NPAS3: variants seen among roughly 807,000 people sequenced by gnomAD.
NPAS3 encodes neuronal PAS domain protein 3, also known as neuronal PAS domain-containing protein 3.
In NPAS3, 14 loss-of-function variants were observed where a neutral mutation model predicts 73.1. That is an observed-to-expected ratio of 0.19 (90% confidence interval 0.13 to 0.30). The LOEUF is 0.30. NPAS3 is among the 10% of genes least tolerant of loss of function. The pLI, the probability that NPAS3 is intolerant of heterozygous loss-of-function variation, is 1.00. For synonymous variants in NPAS3, 620 were observed against 541.5 expected (o/e 1.14, Z -2.01); for missense variants, 1,096 against 1,250.0 (o/e 0.88, Z 1.86).
chr14:33,684,938 C>T (rs948632006), intron 6 of NPAS3, among the ~76,000 whole-genome samples: 1 of 152,210 alleles, frequency 6.6e-6, no homozygotes, highest in African/African-American at 2.4e-5. Flanking sequence ...GAAACACAAT[C>T]ATGGTTTCTT....
At chr14:33,248,465 C>A (rs1198343850) in intron 3 of NPAS3, among the ~76,000 whole-genome samples, 1 of 152,034 alleles carries the variant, frequency 6.6e-6, no homozygotes, top group Non-Finnish European at 1.5e-5. Context: ...CTTCTAATTC[C>A]CCATTCAGTA....
intron 4 of NPAS3, among the ~76,000 whole-genome samples, chr14:33,452,433 T>C (rs1051900265): frequency 1.3e-5 from 2 of 152,102 alleles, no homozygotes; most frequent in African/African-American, 2.4e-5. Context: ...AGTAGACAAA[T>C]GCTTTCCTGC....
chr14:33,147,725 T>C (rs1341719371), intron 2 of NPAS3, among the ~76,000 whole-genome samples: 1 of 91,638 alleles, frequency 1.1e-5, no homozygotes, highest in Non-Finnish European at 2.2e-5. Flanking sequence ...TAAAGTAGAA[T>C]AAAAAATATA....
chr14:33,380,339 A>T (rs1414826540), intron 4 of NPAS3, among the ~76,000 whole-genome samples: 1 of 151,982 alleles, frequency 6.6e-6, no homozygotes, highest in East Asian at 1.9e-4. Context: ...CACTGTAGGG[A>T]TCCTGCTTGG....
At chr14:33,258,305 G>A (rs2048850271) in intron 3 of NPAS3, among the ~76,000 whole-genome samples, 1 of 152,168 alleles carries the variant, frequency 6.6e-6, no homozygotes, top group African/African-American at 2.4e-5. Context: ...GCTGAGATGG[G>A]AGAATCAGAT....
At chr14:33,802,975 C>A (rs2063751779), downstream of NPAS3, 1 of 152,108 alleles carries the variant, frequency 6.6e-6, no homozygotes, top group East Asian at 1.9e-4. Flanking sequence ...TCTTAACTAG[C>A]TCAAGGTTAA....
At chr14:33,476,470 A>G (rs1402527888) in intron 4 of NPAS3, among the ~76,000 whole-genome samples, 1 of 152,218 alleles carries the variant, frequency 6.6e-6, no homozygotes, top group East Asian at 1.9e-4. Flanking sequence ...AAGCAAATAA[A>G]TATTAATCTT....
chr14:33,769,761 T>C (rs2383525), intron 7 of NPAS3, among the ~76,000 whole-genome samples: 1,572 of 102,558 alleles, frequency 0.015, 40 homozygotes, highest in African/African-American at 0.041. Context: ...TTTTTCTTTT[T>C]TTTTTTTTTT....
At chr14:33,786,229 T>C (rs887244717) in intron 9 of NPAS3, among the ~76,000 whole-genome samples, 8 of 152,222 alleles carry the variant, frequency 5.3e-5, no homozygotes, top group Admixed American at 2.6e-4. Flanking sequence ...CAATGACTGC[T>C]ACATGGAAGA....
At chr14:33,028,236 CAT>C (rs1233747171) in intron 1 of NPAS3, among the ~76,000 whole-genome samples, 4 of 152,150 alleles carry the variant, frequency 2.6e-5, no homozygotes, top group African/African-American at 4.8e-5. Flanking sequence ...TTAAAAATAA[CAT>C]GTGGATTTGA....
intron 1 of NPAS3, among the ~76,000 whole-genome samples, chr14:32,954,274 A>G (rs1347631325): frequency 1.7e-4 from 26 of 152,206 alleles, no homozygotes; most frequent in Admixed American, 1.4e-3. Flanking sequence ...CATGTCTTCT[A>G]TTTATCACTG....
At chr14:33,075,354 G>A (rs1194055476) in intron 2 of NPAS3, among the ~76,000 whole-genome samples, 1 of 152,100 alleles carries the variant, frequency 6.6e-6, no homozygotes, top group Non-Finnish European at 1.5e-5. Flanking sequence ...ATCTTAGCTT[G>A]CATCATTTAA....
chr14:33,706,015 C>T (rs1350084632), intron 6 of NPAS3, among the ~76,000 whole-genome samples: 1 of 152,204 alleles, frequency 6.6e-6, no homozygotes, highest in African/African-American at 2.4e-5. Flanking sequence ...ATCCTCCACC[C>T]CTGTACACAT....
Position 33,736,477 on chromosome 14 carries a change from T to G in NPAS3, c.852+1145T>G, listed in dbSNP as rs903913361. On this transcript the variant is annotated intron_variant, in intron 7 of 11. Coordinates refer to ENST00000356141, the Ensembl canonical transcript of NPAS3. ...GAGGCAAGTGGGCAGCTCCACCTGCTCTAGCTCTACCCGATAGAGGCTTCT... is the reference window on the plus strand; with the variant it reads ...GAGGCAAGTGGGCAGCTCCACCTGCGCTAGCTCTACCCGATAGAGGCTTCT... Among the ~76,000 whole-genome samples, 4 of 152,172 alleles carry G rather than the reference T, an allele frequency of 2.6e-5. No individual in the cohort carries two copies. The East Asian group carries it at 7.7e-4, about 29-fold the overall frequency.
chr14:33,272,293 G>A (rs531219008), intron 3 of NPAS3, among the ~76,000 whole-genome samples: 1 of 152,312 alleles, frequency 6.6e-6, no homozygotes, highest in South Asian at 2.1e-4. Flanking sequence ...CATAATTATA[G>A]CAGTGGGATA....
intron 4 of NPAS3, among the ~76,000 whole-genome samples, chr14:33,472,207 G>A (rs2050816475): frequency 6.6e-6 from 1 of 152,214 alleles, no homozygotes. Context: ...GAGGAAGGGA[G>A]GGGGCTGAGG....
intron 3 of NPAS3, among the ~76,000 whole-genome samples, chr14:33,347,192 C>A (rs896082563): frequency 3.3e-5 from 5 of 152,156 alleles, no homozygotes; most frequent in African/African-American, 1.2e-4. Context: ...AATCTTTTTA[C>A]CTACTCAAAG....
chr14:32,946,333 AACAC>A (rs750380212), intron 1 of NPAS3, among the ~76,000 whole-genome samples: 5 of 105,302 alleles, frequency 4.7e-5, no homozygotes, highest in East Asian at 2.7e-4. Flanking sequence ...CCATCCCCCC[AACAC>A]ACACACACGC....
At chr14:33,079,686 A>G (rs1005324784) in intron 2 of NPAS3, among the ~76,000 whole-genome samples, 4 of 137,706 alleles carry the variant, frequency 2.9e-5, no homozygotes, top group Admixed American at 8.3e-5. Context: ...ATCTCGGCTA[A>G]CTGCATCCTC....
Sources: gnomAD v4.1 joint callset for allele counts (sites outside exome capture counted in the v4.1 genomes callset) on GRCh38, gnomAD v4.1.1 for gene constraint, MANE v1.5 for transcripts, NCBI Gene and HGNC (gene_info 2026-07-23, HGNC 2026-07-21) for gene names.